Variants in SPOCK3 observed in about 807,000 individuals in gnomAD.
The protein encoded by SPOCK3 is testican-3.
SPOCK3 carries 30 observed loss-of-function variants against 56.6 expected under a neutral mutation model. The ratio of observed to expected loss-of-function variants is 0.53; its 90% CI spans 0.40 to 0.72. SPOCK3 has a LOEUF of 0.72. Among genes scored for constraint, SPOCK3 ranks in the 30% least tolerant of loss-of-function variants. The pLI is 0.00. For synonymous variants in SPOCK3, 196 were observed against 183.3 expected (o/e 1.07, Z -0.56); for missense variants, 527 against 530.0 (o/e 0.99, Z 0.06).
chr4:167,037,108 A>G (rs926832762), intron 3 of SPOCK3, among the ~76,000 whole-genome samples: 2 of 152,352 alleles, frequency 1.3e-5, no homozygotes, highest in Admixed American at 1.3e-4. Context: ...CTCTTCACTC[A>G]CTGAGGCAAT....
chr4:166,784,583 A>C (rs1208736135), intron 7 of SPOCK3, among the ~76,000 whole-genome samples: 1 of 152,104 alleles, frequency 6.6e-6, no homozygotes, highest in Non-Finnish European at 1.5e-5. Flanking sequence ...ATCTTCTCAA[A>C]TATTTTGTTT....
intron 4 of SPOCK3, among the ~76,000 whole-genome samples, chr4:166,974,902 G>A (rs565590750): frequency 6.6e-6 from 1 of 152,308 alleles, no homozygotes; most frequent in East Asian, 1.9e-4. Flanking sequence ...GAAAGGTTGG[G>A]CTTTTCAGAA....
chr4:167,080,017 C>T (rs1233284072), intron 2 of SPOCK3, among the ~76,000 whole-genome samples: 1 of 151,990 alleles, frequency 6.6e-6, no homozygotes, highest in African/African-American at 2.4e-5. Flanking sequence ...AGAGAATCTG[C>T]TATCTGGGGG....
At chr4:166,846,074 A>G (rs959397781) in intron 6 of SPOCK3, among the ~76,000 whole-genome samples, 7 of 152,154 alleles carry the variant, frequency 4.6e-5, no homozygotes, top group Admixed American at 3.9e-4. Context: ...TTGAGCTAAG[A>G]CTAAATGAGG....
At chr4:166,966,961 T>C (rs1160849502) in intron 4 of SPOCK3, among the ~76,000 whole-genome samples, 3 of 152,152 alleles carry the variant, frequency 2.0e-5, no homozygotes, top group Non-Finnish European at 4.4e-5. Context: ...ATTGAAACTC[T>C]TATACCTACC....
chr4:166,865,816 G>C (rs1455750165), intron 6 of SPOCK3, among the ~76,000 whole-genome samples: 1 of 152,122 alleles, frequency 6.6e-6, no homozygotes, highest in African/African-American at 2.4e-5. Context: ...CCATGCTCAT[G>C]GATAGGAAGA....
intron 2 of SPOCK3, among the ~76,000 whole-genome samples, chr4:167,128,312 A>G (rs1300357423): frequency 6.6e-6 from 1 of 152,130 alleles, no homozygotes; most frequent in East Asian, 1.9e-4. Flanking sequence ...TTGCCAAACA[A>G]AGGCTTTTTA....
chr4:166,968,362 C>A (rs1257329473), intron 4 of SPOCK3, among the ~76,000 whole-genome samples: 6 of 152,124 alleles, frequency 3.9e-5, no homozygotes, highest in African/African-American at 1.4e-4. Context: ...ATTGCAGAGA[C>A]CTTCGTGGCA....
At chr4:167,054,801 G>A (rs1402358674) in intron 3 of SPOCK3, among the ~76,000 whole-genome samples, 2 of 152,178 alleles carry the variant, frequency 1.3e-5, no homozygotes, top group South Asian at 2.1e-4. Context: ...TAGATCAGGT[G>A]TACACGAACA....
intron 2 of SPOCK3, among the ~76,000 whole-genome samples, chr4:167,192,823 C>T: frequency 6.9e-6 from 1 of 145,956 alleles, no homozygotes; most frequent in Non-Finnish European, 1.5e-5. Context: ...TTTCAAGATA[C>T]TTTTTTATTT....
chr4:166,937,062 A>AG (rs747856890), intron 4 of SPOCK3, among the ~76,000 whole-genome samples: 69 of 152,180 alleles, frequency 4.5e-4, no homozygotes, highest in Non-Finnish European at 8.2e-4. Flanking sequence ...GAATTTCACT[A>AG]TGTGTAAGAA....
intron 4 of SPOCK3, among the ~76,000 whole-genome samples, chr4:166,975,028 G>A (rs1055441376): frequency 1.3e-5 from 2 of 151,980 alleles, no homozygotes; most frequent in African/African-American, 2.4e-5. Flanking sequence ...TCTGAGAGTC[G>A]GTCTGTCATA....
intron 4 of SPOCK3, among the ~76,000 whole-genome samples, chr4:166,983,104 T>C (rs1220662697): frequency 6.6e-6 from 1 of 152,134 alleles, no homozygotes; most frequent in African/African-American, 2.4e-5. Context: ...CTTTCAGGAC[T>C]TTTTCCACGT....
intron 2 of SPOCK3, among the ~76,000 whole-genome samples, chr4:167,109,049 A>T (rs185761341): frequency 1.3e-3 from 4 of 3,166 alleles, no homozygotes; most frequent in Non-Finnish European, 1.9e-3. Context: ...TACTTATATA[A>T]AAATATATAT....
intron 5 of SPOCK3, among the ~76,000 whole-genome samples, chr4:166,890,771 G>A (rs928521799): frequency 5.3e-5 from 8 of 151,824 alleles, no homozygotes; most frequent in African/African-American, 1.2e-4. Flanking sequence ...TATTAGGTCC[G>A]CTTGGTCCAG....
At chr4:166,748,556 C>T (rs1366637014) in intron 8 of SPOCK3, among the ~76,000 whole-genome samples, 1 of 136,522 alleles carries the variant, frequency 7.3e-6, no homozygotes, top group Non-Finnish European at 1.6e-5. Context: ...TAGGCAATAC[C>T]ATTCAGGACA....
At chr4:166,855,270 T>C (rs1405036772) in intron 6 of SPOCK3, among the ~76,000 whole-genome samples, 1 of 152,134 alleles carries the variant, frequency 6.6e-6, no homozygotes, top group Non-Finnish European at 1.5e-5. Context: ...GCAACATAAA[T>C]TTTTAAAACA....
At chr4:167,225,002 A>G (rs1200757353) in intron 2 of SPOCK3, among the ~76,000 whole-genome samples, 1 of 152,202 alleles carries the variant, frequency 6.6e-6, no homozygotes, top group Middle Eastern at 3.2e-3. Context: ...CATAATTTAA[A>G]TAATCAATAA....
chr4:167,035,558 C>A (rs1752672282), intron 3 of SPOCK3, among the ~76,000 whole-genome samples: 1 of 152,076 alleles, frequency 6.6e-6, no homozygotes, highest in Non-Finnish European at 1.5e-5. Flanking sequence ...CCATGTTCTA[C>A]CCTTGTTGCA....
Sources: gnomAD v4.1 joint callset for allele counts (sites outside exome capture counted in the v4.1 genomes callset) on GRCh38, gnomAD v4.1.1 for gene constraint, MANE v1.5 for transcripts, NCBI Gene and HGNC (gene_info 2026-07-23, HGNC 2026-07-21) for gene names.